The following MYO9A variants were observed in gnomAD, a reference collection of about 807,000 sequenced individuals.
The protein encoded by MYO9A is myosin IXA, also known as unconventional myosin-IXa.
MYO9A carries 103 observed loss-of-function variants against 293.3 expected under a neutral mutation model. The observed-to-expected ratio is 0.35, with a 90% CI of 0.30 to 0.41. MYO9A has a LOEUF of 0.41. MYO9A is among the 10% of genes least tolerant of loss of function. The probability of loss-of-function intolerance (pLI) is 1.00; values close to 1 mark genes in which losing one functional copy is unlikely to be tolerated. For missense variants in MYO9A, 2,685 were observed against 3,033.0 expected (o/e 0.89, Z 2.69); for synonymous variants, 1,001 against 1,035.7 (o/e 0.97, Z 0.64).
At chr15:72,076,421 C>T (rs1003131896) in intron 1 of MYO9A, among the ~76,000 whole-genome samples, 2 of 151,230 alleles carry the variant, frequency 1.3e-5, no homozygotes, top group Non-Finnish European at 2.9e-5. Context: ...TCAAAAGATA[C>T]AAGGTCAATC....
chr15:71,836,762 A>G lies in MYO9A; in HGVS notation c.6838-6451T>C, dbSNP rs993347347. On this transcript the variant is annotated intron_variant, in intron 39 of 41. Coordinates refer to ENST00000356056, the MANE Select transcript of MYO9A (RefSeq NM_006901.4). ...AAAGCTCAAAGTTAGGTAAAGCAAAACTACAGTGCTCAGGGATACATATTT... is the reference window on the plus strand; with the variant it reads ...AAAGCTCAAAGTTAGGTAAAGCAAAGCTACAGTGCTCAGGGATACATATTT... Among the ~76,000 whole-genome samples the G allele has an allele frequency of 2.0e-5, 3 of 152,204 alleles. No individual in the cohort carries two copies. In the East Asian group the frequency reaches 5.8e-4, roughly 29 times the overall value.
chr15:71,828,100 C>A, intron 40 of MYO9A, 74 bp from the exon 41 acceptor site: 1 of 1,507,544 alleles, frequency 6.6e-7, no homozygotes, highest in South Asian at 1.3e-5. Flanking sequence ...AAAGATCCTC[C>A]ATGGAAGTCA....
rs1403167851 is a variant in MYO9A at position 71,826,757 on chromosome 15, T to C, written c.7470A>G (p.Arg2490=). The change falls in exon 42 of 42, where the codon AGA becomes AGG. Residue 2490 remains arginine, a synonymous_variant. Transcript: ENST00000356056. ...TGCCCTTTTCCGGGTTGAAGGTTCC[T>C]CTGCTGATGAACTGAGGCTTGTCTT... ...FLEDKPQFIS[R]GTFNPEKGKQ... is the part of the protein sequence containing the mutation. 2.2e-5 allele frequency: 36 copies of C among 1,614,026 alleles called. No individual in the cohort carries two copies. The highest frequency in any genetic ancestry group is 3.0e-5 in the Non-Finnish European group (35 of 1,180,002).
chr15:71,920,815 C>T (rs982159295), intron 18 of MYO9A, among the ~76,000 whole-genome samples: 7 of 151,966 alleles, frequency 4.6e-5, no homozygotes, highest in African/African-American at 1.5e-4. Context: ...GGCATGGTGA[C>T]GCATGCCCGT....
At chr15:72,066,549 C>T (rs118071199) in intron 1 of MYO9A, among the ~76,000 whole-genome samples, 3,452 of 151,406 alleles carry the variant, frequency 0.023, 59 homozygotes, top group Non-Finnish European at 0.036. Context: ...CTAAATTATC[C>T]CATTTATATG....
intron 26 of MYO9A, chr15:71,891,326 C>T (rs1468971095): frequency 6.6e-6 from 1 of 152,220 alleles, no homozygotes; most frequent in Non-Finnish European, 1.5e-5. Context: ...GAAAGCCCAA[C>T]TTCCTGGTTC....
At chr15:71,937,641 G>C (rs976711466) in intron 16 of MYO9A, among the ~76,000 whole-genome samples, 1 of 152,104 alleles carries the variant, frequency 6.6e-6, no homozygotes, top group Non-Finnish European at 1.5e-5. Context: ...CTGAGAATTC[G>C]TTTTATTGTG....
chr15:72,075,186 A>T (rs1453210603), intron 1 of MYO9A, among the ~76,000 whole-genome samples: 4 of 151,804 alleles, frequency 2.6e-5, no homozygotes, highest in Non-Finnish European at 5.9e-5. Context: ...GGTTGGTCTC[A>T]AACTCCTGAC....
chr15:71,943,182 TC>T (rs925495570), intron 15 of MYO9A, among the ~76,000 whole-genome samples: 1 of 152,060 alleles, frequency 6.6e-6, no homozygotes, highest in African/African-American at 2.4e-5. Context: ...TTCATTTTTT[TC>T]CTTCTTGATT....
intron 1 of MYO9A, among the ~76,000 whole-genome samples, chr15:72,103,827 C>T (rs891194209): frequency 6.6e-6 from 1 of 152,068 alleles, no homozygotes; most frequent in Non-Finnish European, 1.5e-5. Context: ...AAGCAAAAAA[C>T]AGTCACAAAG....
At chr15:71,867,921 G>A (rs1190484932) in intron 32 of MYO9A, among the ~76,000 whole-genome samples, 1 of 151,866 alleles carries the variant, frequency 6.6e-6, no homozygotes, top group Non-Finnish European at 1.5e-5. Flanking sequence ...AGGAATGGTA[G>A]CCAGTTGTGA....
chr15:71,976,744 A>T (rs930922625), intron 12 of MYO9A, among the ~76,000 whole-genome samples: 2 of 143,862 alleles, frequency 1.4e-5, no homozygotes, highest in African/African-American at 4.9e-5. Context: ...GGTACTTTTT[A>T]CTTGTGTTAA....
At chr15:72,114,706 A>G (rs1486945593) in intron 1 of MYO9A, among the ~76,000 whole-genome samples, 1 of 152,210 alleles carries the variant, frequency 6.6e-6, no homozygotes, top group Admixed American at 6.5e-5. Flanking sequence ...TCCATTAGGC[A>G]GTGCTTTTAC....
intron 1 of MYO9A, among the ~76,000 whole-genome samples, chr15:72,105,089 C>T (rs1242666654): frequency 6.6e-6 from 1 of 152,198 alleles, no homozygotes; most frequent in Non-Finnish European, 1.5e-5. Flanking sequence ...AATATATCTA[C>T]TGTTTTTTTC....
chr15:72,041,244 G>A, intron 2 of MYO9A: 3 of 1,368,226 alleles, frequency 2.2e-6, no homozygotes, highest in East Asian at 2.6e-5. Context: ...ACACATGACA[G>A]ACACCTGTAC....
At chr15:71,900,135 AT>A in intron 23 of MYO9A, 129 bp from the exon 24 acceptor site, 1 of 1,021,372 alleles carries the variant, frequency 9.8e-7, no homozygotes, top group Non-Finnish European at 1.4e-6. Flanking sequence ...ATTCTTGGTG[AT>A]TAAAAATAAG....
At chr15:71,924,221 TTTATTA>T (rs535851968) in intron 18 of MYO9A, among the ~76,000 whole-genome samples, 23 of 151,520 alleles carry the variant, frequency 1.5e-4, no homozygotes, top group African/African-American at 3.9e-4. Flanking sequence ...TGAAATTTTG[TTTATTA>T]TTATTATTAT....
intron 15 of MYO9A, among the ~76,000 whole-genome samples, chr15:71,947,716 G>A (rs2058953426): frequency 6.6e-6 from 1 of 152,222 alleles, no homozygotes; most frequent in Non-Finnish European, 1.5e-5. Context: ...TCAGCATGGT[G>A]AGGGTAATTT....
chr15:72,045,048 T>C (rs2078341842), intron 2 of MYO9A: 1 of 152,202 alleles, frequency 6.6e-6, no homozygotes, highest in South Asian at 2.1e-4. Flanking sequence ...TCTTCTCACA[T>C]CTATCAAATA....
Sources: allele counts gnomAD v4.1 joint callset (sites outside exome capture counted in the v4.1 genomes callset), GRCh38; gene constraint gnomAD v4.1.1; transcripts MANE v1.5; gene names NCBI Gene and HGNC (gene_info 2026-07-23, HGNC 2026-07-21).